TRHDE: variants seen among roughly 807,000 people sequenced by gnomAD.
TRHDE encodes the protein thyrotropin releasing hormone degrading enzyme.
TRHDE carries 72 observed loss-of-function variants against 125.7 expected under a neutral mutation model. That is an observed-to-expected ratio of 0.57 (90% CI 0.47 to 0.70). TRHDE has a LOEUF of 0.70. Ranked by LOEUF, TRHDE falls within the 30% of genes least tolerant of loss-of-function variation. The pLI is 0.00. For synonymous variants in TRHDE, 509 were observed against 509.1 expected (o/e 1.00, Z 0.00); for missense variants, 1,110 against 1,327.1 (o/e 0.84, Z 2.54).
At chr12:72,418,318 T>C (rs1284844534) in intron 3 of TRHDE, among the ~76,000 whole-genome samples, 1 of 152,104 alleles carries the variant, frequency 6.6e-6, no homozygotes, top group African/African-American at 2.4e-5. Flanking sequence ...TTAAAATATG[T>C]GATATTTACT....
At chr12:72,183,124 A>G (rs1273277318) in intron 2 of TRHDE, among the ~76,000 whole-genome samples, 1 of 152,140 alleles carries the variant, frequency 6.6e-6, no homozygotes. Context: ...ACAAACTTCT[A>G]TTACTTAACT....
chr12:72,107,416 C>T (rs900131073), intron 2 of TRHDE, among the ~76,000 whole-genome samples: 5 of 152,076 alleles, frequency 3.3e-5, no homozygotes, highest in African/African-American at 9.7e-5. Flanking sequence ...CAATAATCAC[C>T]TAAATATATG....
At chr12:72,297,343 G>A (rs1565688314) in intron 2 of TRHDE, among the ~76,000 whole-genome samples, 2 of 152,164 alleles carry the variant, frequency 1.3e-5, no homozygotes, top group Admixed American at 1.3e-4. Flanking sequence ...GATGAGCTGG[G>A]AAGATTGTAT....
At chr12:72,421,975 A>T (rs1386819535) in intron 3 of TRHDE, among the ~76,000 whole-genome samples, 3 of 152,190 alleles carry the variant, frequency 2.0e-5, no homozygotes, top group Non-Finnish European at 2.9e-5. Context: ...CAATGGATAT[A>T]TATGTCTACC....
chr12:72,346,644 G>A (rs12231372), intron 2 of TRHDE, among the ~76,000 whole-genome samples: 18,785 of 151,956 alleles, frequency 0.12, 1,748 homozygotes, highest in East Asian at 0.47. Context: ...TACTAATGCC[G>A]AGTGCCAACC....
chr12:72,153,434 C>T (rs541949148), intron 2 of TRHDE, among the ~76,000 whole-genome samples: 1 of 152,146 alleles, frequency 6.6e-6, no homozygotes, highest in African/African-American at 2.4e-5. Flanking sequence ...TTGCCTTCTG[C>T]TAGCTTTTGA....
chr12:72,381,577 T>C (rs1349448240), intron 3 of TRHDE, among the ~76,000 whole-genome samples: 1 of 151,868 alleles, frequency 6.6e-6, no homozygotes, highest in East Asian at 1.9e-4. Context: ...TTTGTATTTT[T>C]AGTAGAGACG....
At chr12:72,277,120 G>A (rs945016301) in intron 1 of TRHDE, among the ~76,000 whole-genome samples, 3 of 152,154 alleles carry the variant, frequency 2.0e-5, no homozygotes, top group Admixed American at 2.0e-4. Flanking sequence ...ACATGCCAAA[G>A]TGAGACGACA....
At chr12:72,171,810 T>C (rs572883752) in intron 2 of TRHDE, among the ~76,000 whole-genome samples, 15 of 152,304 alleles carry the variant, frequency 9.8e-5, no homozygotes, top group African/African-American at 3.6e-4. Context: ...GTCCTATCAT[T>C]ATATGAGTCA....
At chr12:72,247,218 T>C (rs1229072296) in intron 2 of TRHDE, among the ~76,000 whole-genome samples, 1 of 152,210 alleles carries the variant, frequency 6.6e-6, no homozygotes, top group Admixed American at 6.5e-5. Flanking sequence ...ATAGTTGTTA[T>C]ACTGCATTGT....
chr12:72,097,313 C>T (rs571685862), intron 1 of TRHDE, among the ~76,000 whole-genome samples: 2 of 152,236 alleles, frequency 1.3e-5, no homozygotes, highest in African/African-American at 2.4e-5. Flanking sequence ...AGAAAGAGCA[C>T]TGGTCTAGAG....
At chr12:72,125,712 GAAAC>G (rs2139304308) in intron 2 of TRHDE, among the ~76,000 whole-genome samples, 1 of 152,260 alleles carries the variant, frequency 6.6e-6, no homozygotes, top group African/African-American at 2.4e-5. Context: ...ATAACGGCCT[GAAAC>G]AAACAAAACA....
At chr12:72,572,355 G>C (rs1298307669) in intron 10 of TRHDE, among the ~76,000 whole-genome samples, 2 of 151,966 alleles carry the variant, frequency 1.3e-5, no homozygotes, top group Non-Finnish European at 2.9e-5. Flanking sequence ...TCTAAGCCTT[G>C]TGCCATTTTG....
intron 12 of TRHDE, among the ~76,000 whole-genome samples, chr12:72,593,947 G>A (rs1173781293): frequency 6.6e-6 from 1 of 152,068 alleles, no homozygotes; most frequent in Non-Finnish European, 1.5e-5. Flanking sequence ...CCAAGTTTTT[G>A]CTATTGTGAA....
At chr12:72,123,943 T>C (rs1390401494) in intron 2 of TRHDE, among the ~76,000 whole-genome samples, 1 of 152,188 alleles carries the variant, frequency 6.6e-6, no homozygotes, top group Non-Finnish European at 1.5e-5. Context: ...CTGGCTTCTT[T>C]CATTCAGCAT....
chr12:72,294,557 T>G (rs1880214376), intron 2 of TRHDE, among the ~76,000 whole-genome samples: 1 of 152,110 alleles, frequency 6.6e-6, no homozygotes, highest in Admixed American at 6.5e-5. Context: ...TCTGCTCAGC[T>G]CTGGCTGAGC....
At chr12:72,242,812 A>G (rs1350996583) in intron 2 of TRHDE, among the ~76,000 whole-genome samples, 2 of 152,152 alleles carry the variant, frequency 1.3e-5, no homozygotes, top group Non-Finnish European at 2.9e-5. Context: ...GGTTTTTATT[A>G]CCGCATTCAA....
At chr12:72,596,804 A>C (rs374719027) in intron 12 of TRHDE, among the ~76,000 whole-genome samples, 3 of 152,362 alleles carry the variant, frequency 2.0e-5, no homozygotes, top group East Asian at 3.9e-4. Context: ...ACTCAAAATA[A>C]AGTGACTGCA....
chr12:72,229,325 G>T (rs567247252), intron 2 of TRHDE, among the ~76,000 whole-genome samples: 1 of 152,226 alleles, frequency 6.6e-6, no homozygotes, highest in African/African-American at 2.4e-5. Flanking sequence ...TTGTGCAGGG[G>T]AACTCCCCTT....
Sources: allele counts gnomAD v4.1 joint callset (sites outside exome capture counted in the v4.1 genomes callset), GRCh38; gene constraint gnomAD v4.1.1; transcripts MANE v1.5; gene names NCBI Gene and HGNC (gene_info 2026-07-23, HGNC 2026-07-21).